IL4I1: variants seen among roughly 807,000 people sequenced by gnomAD.
IL4I1 encodes the protein L-amino-acid oxidase.
Under a neutral mutation model 29.7 loss-of-function variants are expected in IL4I1, and 24 were observed. The observed-to-expected ratio is 0.81, with a 90% confidence interval of 0.59 to 1.14. The LOEUF (loss-of-function observed/expected upper bound fraction) is 1.14. Among genes scored for constraint, IL4I1 ranks in the 50% most tolerant of loss-of-function variants. The pLI, the probability that IL4I1 is intolerant of heterozygous loss-of-function variation, is 0.00. For missense variants in IL4I1, 686 were observed against 785.6 expected (o/e 0.87, Z 1.52); for synonymous variants, 371 against 352.5 (o/e 1.05, Z -0.59).
intron 2 of IL4I1, among the ~76,000 whole-genome samples, chr19:49,911,612 C>T (rs1486617312): frequency 6.6e-6 from 1 of 152,150 alleles, no homozygotes; most frequent in Non-Finnish European, 1.5e-5. Context: ...TCGTCTGCTC[C>T]TCCTTCTCCA....
intron 4 of IL4I1, 110 bp downstream of exon 4, chr19:49,894,958 G>C (rs1420488683): frequency 1.3e-6 from 1 of 782,114 alleles, no homozygotes; most frequent in African/African-American, 1.7e-5. Context: ...GGATGGGGTT[G>C]GAGGCTGGGT....
intron 2 of IL4I1, among the ~76,000 whole-genome samples, chr19:49,912,432 G>C (rs1052232132): frequency 2.0e-5 from 3 of 152,108 alleles, no homozygotes; most frequent in Non-Finnish European, 4.4e-5. Context: ...GCCTCCCAAA[G>C]TGTTGGGATT....
chr19:49,895,248 A>T (rs1274753031), intron 3 of IL4I1, 68 bp from the exon 4 acceptor site: 2 of 1,277,576 alleles, frequency 1.6e-6, no homozygotes, highest in Non-Finnish European at 1.1e-6. Flanking sequence ...GCCCTCTACC[A>T]CCCCGTGCCA....
chr19:49,929,377 G>T (rs573611763), exon 1 of IL4I1: 7 of 154,170 alleles, frequency 4.5e-5, no homozygotes, highest in Admixed American at 3.9e-4. Flanking sequence ...GGCCGCCGCC[G>T]CCTCTCCTTG....
At position 49,891,007 on chromosome 19, in the gene IL4I1, G is replaced by T; in HGVS notation, c.737C>A (p.Ala246Asp). ...GCTGAGGCAGCTGTGGGCCCGGAGG[G>T]CCTCGGCGAAGCTGAGATAGAAGAA... ...DGFFYLSFAE[A>D]LRAHSCLSDR... Residue 246 changes from alanine (A) to aspartate (D), a missense_variant, in exon 7 of 8, where the codon GCC becomes GAC. Ala to Asp is a moderately radical substitution (Grantham distance 126). Transcript: ENST00000391826. 6.2e-7 allele frequency: 1 copy of T among 1,610,082 alleles called. No individual in the cohort carries two copies. The highest frequency in any genetic ancestry group is 8.5e-7 in the Non-Finnish European group (1 of 1,178,998).
Position 49,890,952 on chromosome 19 carries a change from C to T in IL4I1, c.773+19G>A. ...TTGCCCCCCGCCCCCCCCCCCTGCC[C>T]GCCAGCCCCGCCCCTTACTGGAGTC... On this transcript the variant is annotated intron_variant, in intron 7 of 7. Transcript: ENST00000391826. The T allele has an allele frequency of 8.2e-7, 1 of 1,223,244 alleles. No homozygotes were observed. Among genetic ancestry groups the T allele is most frequent in the Non-Finnish European group, 1.1e-6 (1 of 921,330 alleles). The allele number at this position is 1,223,244 out of a possible 1,614,324, so 75.8% of individuals were successfully genotyped here.
Position 49,890,735 on chromosome 19 carries a change from C to T in IL4I1, c.774-135G>A, listed in dbSNP as rs991611577. ...CCCCCGTCATCCACCTCTCCCGACC[C>T]CGCCCGTCCCTGACATCCCAAAGGC... On this transcript the variant is annotated intron_variant, in intron 7 of 7. Coordinates refer to ENST00000391826, the MANE Select transcript of IL4I1 (RefSeq NM_152899.2). The T allele has an allele frequency of 8.1e-4, 722 of 895,018 alleles. 5 individuals carry two copies. Among genetic ancestry groups the T allele is most frequent in the Non-Finnish European group, 1.0e-3 (625 of 610,640 alleles). 55.4% of individuals were successfully genotyped at this position (895,018 alleles called of 1,614,324 possible).
Position 49,890,891 on chromosome 19 carries a change from C to A in IL4I1, c.773+80G>T, listed in dbSNP as rs369590509. The A allele has an allele frequency of 2.2e-5, 27 of 1,216,420 alleles. 3 individuals carry two copies. In the Admixed American group the frequency reaches 3.9e-4, roughly 18 times the overall value. 75.4% of individuals were successfully genotyped at this position (1,216,420 alleles called of 1,614,324 possible). On this transcript the variant is annotated intron_variant, in intron 7 of 7. Coordinates refer to ENST00000391826, the MANE Select transcript of IL4I1 (RefSeq NM_152899.2). ...CTTCACAACAGCCCCGCCCCCAGAC[C>A]CAGAGGCTCCTCCCACTCCCTGCTA...
intron 2 of IL4I1, among the ~76,000 whole-genome samples, chr19:49,917,240 C>T (rs542196513): frequency 7.9e-4 from 121 of 152,296 alleles, no homozygotes; most frequent in East Asian, 9.7e-4. Context: ...GCTCAGACGC[C>T]GTCCTCCAAC....
chr19:49,919,552 T>A (rs1199177665), intron 2 of IL4I1, among the ~76,000 whole-genome samples: 1 of 152,194 alleles, frequency 6.6e-6, no homozygotes, highest in Non-Finnish European at 1.5e-5. Context: ...AGGCAGTAGC[T>A]AAATGATTTG....
chr19:49,895,988 C>A lies in IL4I1; in HGVS notation c.79G>T (p.Glu27Ter). ...TTCTCGAAGGGGTCTTGGCTGCGTT[C>A]AGCCTTCCAGTCCTGGGAGGCCACC... ...SLVASQDWKAERSQDPFEKCM... is the reference protein window; with the variant it reads ...SLVASQDWKA The change falls in exon 3 of 8, where the codon GAA becomes TAA. Residue 27 changes from glutamate (E) to a stop codon, truncating the protein, a stop_gained. Coordinates refer to ENST00000391826, the MANE Select transcript of IL4I1 (RefSeq NM_152899.2). LOFTEE classifies it high-confidence loss of function. 2 of 1,614,184 alleles carry A rather than the reference C, an allele frequency of 1.2e-6. No individual in the cohort carries two copies. The highest frequency in any genetic ancestry group is 1.7e-6 in the Non-Finnish European group (2 of 1,180,028).
chr19:49,912,174 T>C (rs2075482779), intron 2 of IL4I1, among the ~76,000 whole-genome samples: 1 of 149,948 alleles, frequency 6.7e-6, no homozygotes. Context: ...ACCTTTTTTT[T>C]TTTTTTTTTT....
intron 5 of IL4I1, 96 bp from the exon 6 acceptor site, chr19:49,891,569 GC>G: frequency 3.7e-6 from 4 of 1,085,842 alleles, no homozygotes; most frequent in Non-Finnish European, 5.7e-6. Flanking sequence ...TCGTGGTTCT[GC>G]CCACGGCTGG....
At chr19:49,914,862 C>A (rs541933412) in intron 2 of IL4I1, among the ~76,000 whole-genome samples, 1 of 151,128 alleles carries the variant, frequency 6.6e-6, no homozygotes, top group South Asian at 2.1e-4. Context: ...ACCTCAGCCT[C>A]CCGAGTAGCT....
chr19:49,909,601 T>G (rs761944762), intron 2 of IL4I1: 1 of 1,613,994 alleles, frequency 6.2e-7, no homozygotes, highest in South Asian at 1.1e-5. Flanking sequence ...CTGTCGTCTG[T>G]GTGGCCGGAG....
rs2075178483 is a variant in IL4I1 at position 49,894,411 on chromosome 19, C to A, written c.424G>T (p.Asp142Tyr). 3.1e-6 allele frequency: 5 copies of A among 1,613,808 alleles called. No homozygotes were observed. Among genetic ancestry groups the A allele is most frequent in the African/African-American group, 1.3e-5 (1 of 74,916 alleles). Residue 142 changes from aspartate to tyrosine, a missense_variant, in exon 5 of 8, where the codon GAC (aspartate) becomes TAC (tyrosine). Asp to Tyr is a radical substitution (Grantham distance 160, BLOSUM62 -3). Transcript: ENST00000391826. ...GLNLTKFTQY[D>Y]KNTWTEVHEV... is the part of the protein sequence containing the mutation. ...TGCACCTCCGTCCACGTGTTCTTGT[C>A]GTACTGGGTGAACTTGGTCAGGTTG...
chr19:49,890,822 T>A, intron 7 of IL4I1, 149 bp downstream of exon 7: 2 of 795,918 alleles, frequency 2.5e-6, no homozygotes, highest in East Asian at 5.4e-5. Context: ...CCGTGTCCTT[T>A]ATCTGGGAAC....
rs1188686230 is a variant in IL4I1 at position 49,908,353 on chromosome 19, C to T, written c.-227-4032G>A. 21 of 1,614,088 alleles carry T rather than the reference C, an allele frequency of 1.3e-5. No individual in the cohort carries two copies. Among genetic ancestry groups the T allele is most frequent in the Middle Eastern group, 3.3e-4 (2 of 6,084 alleles). On this transcript the variant is annotated intron_variant, in intron 2 of 9. Transcript: ENST00000341114. ...GGGCCGAGTTCTGGTCGATCCACTGCAGTGAGTCCATGTGCGCATTGAGGA... is the reference window on the plus strand; with the variant it reads ...GGGCCGAGTTCTGGTCGATCCACTGTAGTGAGTCCATGTGCGCATTGAGGA...
chr19:49,899,717 C>T (rs577836401), upstream of IL4I1, among the ~76,000 whole-genome samples: 8 of 152,104 alleles, frequency 5.3e-5, no homozygotes, highest in East Asian at 3.9e-4. Context: ...CCACCACGTC[C>T]GGCTAATTTT....
Sources: gnomAD v4.1 joint callset for allele counts (sites outside exome capture counted in the v4.1 genomes callset) on GRCh38, gnomAD v4.1.1 for gene constraint, MANE v1.5 for transcripts, NCBI Gene and HGNC (gene_info 2026-07-23, HGNC 2026-07-21) for gene names.